Variants in EXT2 observed in about 807,000 individuals in gnomAD.
EXT2 encodes exostosin glycosyltransferase 2.
EXT2 carries 53 observed loss-of-function variants against 81.6 expected under a neutral mutation model. The observed-to-expected ratio is 0.65, with a 90% CI of 0.52 to 0.82. EXT2 has a LOEUF of 0.82. EXT2 is among the 40% of genes least tolerant of loss of function. EXT2 has a pLI of 0.00. For missense variants in EXT2, 774 were observed against 910.2 expected, an observed-to-expected ratio of 0.85 and a Z score of 1.93; for synonymous variants, 320 against 340.0, an observed-to-expected ratio of 0.94 and a Z score of 0.65.
intron 7 of EXT2, chr11:44,144,114 T>C: frequency 1.3e-6 from 1 of 749,344 alleles, no homozygotes; most frequent in Non-Finnish European, 2.3e-6. Context: ...TTCTTTCTCC[T>C]GGTTTTAGCA....
chr11:44,243,518 T>G lies in EXT2; in HGVS notation c.2019-631T>G, dbSNP rs986657644. The stretch of plus-strand genomic sequence containing the variant: ...GAACTTCAGCTTTCACAGAAGATTG[T>G]GCAGATTGACATAATTCCCAGAAAT... On this transcript the variant is annotated intron_variant, in intron 13 of 13. Coordinates refer to ENST00000533608, the MANE Select transcript of EXT2 (RefSeq NM_207122.2). 5.9e-5 allele frequency among the ~76,000 whole-genome samples: 9 copies of G among 152,116 alleles called. No homozygotes were observed. The South Asian group carries it at 8.3e-4, about 14-fold the overall frequency.
intron 7 of EXT2, among the ~76,000 whole-genome samples, chr11:44,146,983 G>A (rs1028324143): frequency 6.6e-6 from 1 of 152,166 alleles, no homozygotes; most frequent in African/African-American, 2.4e-5. Context: ...TGATTTGGGG[G>A]ATGGGGAGGA....
intron 9 of EXT2, among the ~76,000 whole-genome samples, chr11:44,200,953 A>G (rs1565232304): frequency 6.6e-6 from 1 of 152,220 alleles, no homozygotes; most frequent in Non-Finnish European, 1.5e-5. Flanking sequence ...TAACACAAGG[A>G]GTTCTTTTTC....
At chr11:44,227,227 A>G (rs1469321165) in intron 10 of EXT2, among the ~76,000 whole-genome samples, 6 of 152,204 alleles carry the variant, frequency 3.9e-5, no homozygotes, top group Admixed American at 2.6e-4. Flanking sequence ...TGCACTCTCT[A>G]AGCTGGCTTA....
At chr11:44,237,808 A>G in intron 13 of EXT2, among the ~76,000 whole-genome samples, 1 of 151,488 alleles carries the variant, frequency 6.6e-6, no homozygotes, top group Non-Finnish European at 1.5e-5. Flanking sequence ...TCACTCCTGT[A>G]ATCCCAGCAC....
At position 44,172,031 on chromosome 11, in the gene EXT2, C is replaced by A. The variant is rs1218254738; in HGVS notation, c.1305+289C>A. 17 of 451,684 alleles carry A rather than the reference C, an allele frequency of 3.8e-5. No homozygotes were observed. In the East Asian group the frequency reaches 7.6e-4, roughly 20 times the overall value. The allele number at this position is 451,684 out of a possible 1,614,324, so 28.0% of individuals were successfully genotyped here. On this transcript the variant is annotated intron_variant, in intron 8 of 13. Coordinates refer to ENST00000533608, the MANE Select transcript of EXT2 (RefSeq NM_207122.2). Reference sequence around the variant, plus strand: ...GTCTTGTTGGAAATCAAAGACATCCCGGTGACTTTTGCAATTGTAATGCTT... The same window carrying A: ...GTCTTGTTGGAAATCAAAGACATCCAGGTGACTTTTGCAATTGTAATGCTT...
intron 10 of EXT2, 100 bp downstream of exon 10, chr11:44,207,059 A>G (rs1955592376): frequency 7.2e-7 from 1 of 1,383,090 alleles, no homozygotes; most frequent in Non-Finnish European, 1.0e-6. Context: ...CTTAAAAGTC[A>G]GAGTTTCTAA....
At chr11:44,229,081 T>C (rs990401971) in intron 10 of EXT2, among the ~76,000 whole-genome samples, 29 of 152,128 alleles carry the variant, frequency 1.9e-4, no homozygotes, top group Admixed American at 1.3e-4. Context: ...TTATGTGTGC[T>C]TGGGGCCCTT....
intron 7 of EXT2, among the ~76,000 whole-genome samples, chr11:44,168,898 G>A (rs1955031682): frequency 6.6e-6 from 1 of 152,030 alleles, no homozygotes; most frequent in South Asian, 2.1e-4. Context: ...GAAAAGAAAG[G>A]GTAAATATAC....
chr11:44,135,258 T>C (rs1171630071), intron 7 of EXT2, among the ~76,000 whole-genome samples: 2 of 152,156 alleles, frequency 1.3e-5, no homozygotes, highest in Admixed American at 6.5e-5. Flanking sequence ...TTTCAACACA[T>C]TTGAATTATT....
At chr11:44,202,273 T>C in intron 9 of EXT2, among the ~76,000 whole-genome samples, 1 of 152,326 alleles carries the variant, frequency 6.6e-6, no homozygotes, top group Non-Finnish European at 1.5e-5. Flanking sequence ...TTTGGACATA[T>C]ATAGATGAAC....
chr11:44,100,813 A>T (rs1052452736), intron 1 of EXT2, among the ~76,000 whole-genome samples: 37 of 152,260 alleles, frequency 2.4e-4, no homozygotes, highest in African/African-American at 6.5e-4. Flanking sequence ...TGAGACCTGG[A>T]TGGAGATATT....
chr11:44,119,502 CTT>C (rs1954285988), intron 4 of EXT2, among the ~76,000 whole-genome samples: 1 of 152,194 alleles, frequency 6.6e-6, no homozygotes, highest in African/African-American at 2.4e-5. Context: ...TCGTCAGAGA[CTT>C]AGCACCCAGG....
intron 1 of EXT2, among the ~76,000 whole-genome samples, chr11:44,097,815 G>T (rs1050441317): frequency 2.0e-5 from 3 of 151,834 alleles, no homozygotes; most frequent in Non-Finnish European, 4.4e-5. Context: ...AAATAAAAAG[G>T]TTGAAACGAC....
In EXT2 at chr11:44,251,563, A is replaced by C. The variant is rs1459756786; in HGVS notation, c.*7276A>C. On this transcript the variant is annotated 3_prime_UTR_variant, in exon 14 of 14. Coordinates refer to ENST00000533608, the MANE Select transcript of EXT2 (RefSeq NM_207122.2). Reference sequence around the variant, plus strand: ...TGTGACTATTTACTTCTCGGTACAGATTACTCTGGTTAAATCACTCAGTAA... The same window carrying C: ...TGTGACTATTTACTTCTCGGTACAGCTTACTCTGGTTAAATCACTCAGTAA... 6.6e-6 allele frequency among the ~76,000 whole-genome samples: 1 copy of C among 152,200 alleles called. No homozygotes were observed. The highest frequency in any genetic ancestry group is 2.4e-5 in the African/African-American group (1 of 41,460).
intron 8 of EXT2, among the ~76,000 whole-genome samples, chr11:44,191,311 C>T (rs959818225): frequency 2.6e-5 from 4 of 152,234 alleles, no homozygotes; most frequent in Non-Finnish European, 5.9e-5. Flanking sequence ...AAGGCCAGCA[C>T]ATTGTCAGAA....
At chr11:44,212,190 C>T (rs1254300972) in intron 10 of EXT2, among the ~76,000 whole-genome samples, 20 of 151,884 alleles carry the variant, frequency 1.3e-4, no homozygotes, top group Admixed American at 1.3e-3. Flanking sequence ...GAGGCTGAGG[C>T]AGGAGAATCA....
At chr11:44,156,821 T>C (rs550067270) in intron 7 of EXT2, among the ~76,000 whole-genome samples, 1 of 152,308 alleles carries the variant, frequency 6.6e-6, no homozygotes, top group Admixed American at 6.5e-5. Flanking sequence ...TAGGTATTTA[T>C]TGTAGTCTCT....
intron 12 of EXT2, 40 bp downstream of exon 12, chr11:44,234,283 C>A (rs371866128): frequency 3.5e-5 from 55 of 1,587,388 alleles, no homozygotes; most frequent in South Asian, 2.2e-4. Context: ...TGATCTTGGG[C>A]AAATATCTAT....
Sources: gnomAD v4.1 joint callset for allele counts (sites outside exome capture counted in the v4.1 genomes callset) on GRCh38, gnomAD v4.1.1 for gene constraint, MANE v1.5 for transcripts, NCBI Gene and HGNC (gene_info 2026-07-23, HGNC 2026-07-21) for gene names.